DISC1: variants seen among roughly 807,000 people sequenced by gnomAD.
DISC1 encodes the protein DISC1 scaffold protein.
DISC1 carries 57 observed loss-of-function variants against 84.5 expected under a neutral mutation model. The ratio of observed to expected loss-of-function variants is 0.67; its 90% CI spans 0.55 to 0.84. The LOEUF is 0.84. DISC1 is among the 40% of genes least tolerant of loss of function. The probability of loss-of-function intolerance (pLI) is 0.00; values close to 1 mark genes in which losing one functional copy is unlikely to be tolerated. For synonymous variants in DISC1, 411 were observed against 415.2 expected (o/e 0.99, Z 0.12); for missense variants, 1,000 against 1,057.8 (o/e 0.95, Z 0.76).
At position 231,691,822 on chromosome 1, in the gene DISC1, T is replaced by C. The variant is rs199600610; in HGVS notation, c.68-2004T>C. On this transcript the variant is annotated intron_variant, in intron 1 of 12. Transcript: ENST00000439617. ...CCTCTCTCTGCCCCCTCCTAACGCC[T>C]GGCCACCCTGTTCCGACTGCTGCCC... is the stretch of plus-strand genomic sequence containing the variant. Among the ~76,000 whole-genome samples the C allele has an allele frequency of 3.5e-4, 54 of 152,334 alleles. 1 individual carries two copies. In the East Asian group the frequency reaches 9.8e-3, roughly 28 times the overall value.
intron 9 of DISC1, among the ~76,000 whole-genome samples, chr1:231,873,413 A>G (rs1237485834): frequency 6.6e-6 from 1 of 152,210 alleles, no homozygotes; most frequent in Non-Finnish European, 1.5e-5. Context: ...GCCCCTTTCT[A>G]TGATGTCCTT....
Position 232,031,827 on chromosome 1 carries a change from C to A in DISC1, c.2426-4865C>A, listed in dbSNP as rs1670082704. ...GGTATAGTCAAGGTTTTCCTCTTTGCTCTTGAAAGACTGTGATCCTCATGG... is the reference window on the plus strand; with the variant it reads ...GGTATAGTCAAGGTTTTCCTCTTTGATCTTGAAAGACTGTGATCCTCATGG... On this transcript the variant is annotated intron_variant, in intron 12 of 12. Coordinates refer to ENST00000439617, the MANE Select transcript of DISC1 (RefSeq NM_018662.3). The surrounding 1 kb of genome is among the most constrained non-coding windows in gnomAD (Gnocchi z 4.6). Among the ~76,000 whole-genome samples, 1 of 152,154 alleles carries A rather than the reference C, an allele frequency of 6.6e-6. No individual in the cohort carries two copies. Among genetic ancestry groups the A allele is most frequent in the Admixed American group, 6.5e-5 (1 of 15,278 alleles).
intron 8 of DISC1, among the ~76,000 whole-genome samples, chr1:231,805,713 A>C (rs947022190): frequency 6.6e-6 from 1 of 152,068 alleles, no homozygotes; most frequent in Non-Finnish European, 1.5e-5. Context: ...CTATGATCCA[A>C]TCACCTTCCA....
intron 6 of DISC1, among the ~76,000 whole-genome samples, chr1:231,788,169 G>A (rs1279511129): frequency 6.6e-6 from 1 of 152,074 alleles, no homozygotes; most frequent in Non-Finnish European, 1.5e-5. Flanking sequence ...GCCTGTAATT[G>A]AGCTACTTGG....
intron 6 of DISC1, among the ~76,000 whole-genome samples, chr1:231,790,520 CTTTTCTTTTTT>C (rs1232703789): frequency 6.6e-6 from 1 of 151,520 alleles, no homozygotes; most frequent in Non-Finnish European, 1.5e-5. Flanking sequence ...CTTTTCTTTT[CTTTTCTTTTTT>C]TTTTCAAGAT....
At chr1:231,628,744 AT>A (rs1444638137) in intron 1 of DISC1, among the ~76,000 whole-genome samples, 10 of 151,726 alleles carry the variant, frequency 6.6e-5, no homozygotes, top group Admixed American at 2.6e-4. Context: ...AATTTAGGTA[AT>A]TTTTTTTTCT....
intron 8 of DISC1, among the ~76,000 whole-genome samples, chr1:231,806,458 G>A (rs2079721314): frequency 6.6e-6 from 1 of 152,178 alleles, no homozygotes; most frequent in African/African-American, 2.4e-5. Context: ...TGGGAGACCT[G>A]CTGGCTTCTC....
intron 9 of DISC1, among the ~76,000 whole-genome samples, chr1:231,928,848 T>G (rs1053684851): frequency 2.0e-5 from 3 of 152,234 alleles, no homozygotes; most frequent in Admixed American, 6.5e-5. Context: ...TTGTTCAGTT[T>G]CCATGTAGTT....
At chr1:231,889,628 C>T (rs1020713528) in intron 9 of DISC1, among the ~76,000 whole-genome samples, 4 of 152,114 alleles carry the variant, frequency 2.6e-5, no homozygotes, top group African/African-American at 9.7e-5. Flanking sequence ...GGTGAAGGGG[C>T]CTGGCTGCAC....
chr1:231,753,523 C>T (rs969401803), intron 4 of DISC1, among the ~76,000 whole-genome samples: 5 of 152,212 alleles, frequency 3.3e-5, no homozygotes, highest in Admixed American at 6.5e-5. Context: ...GAAACCATTC[C>T]GTCCTCCTCG....
intron 1 of DISC1, among the ~76,000 whole-genome samples, chr1:231,627,136 C>T (rs2058322499): frequency 1.3e-5 from 2 of 152,188 alleles, no homozygotes; most frequent in South Asian, 4.1e-4. Context: ...GCACCAGCGC[C>T]GAGCCGGGCC....
At chr1:231,971,571 T>C (rs1454469493) in intron 10 of DISC1, among the ~76,000 whole-genome samples, 1 of 152,232 alleles carries the variant, frequency 6.6e-6, no homozygotes, top group African/African-American at 2.4e-5. Flanking sequence ...CCAGCCACCC[T>C]GAGTCATACA....
At chr1:231,772,275 T>A (rs148813550) in intron 6 of DISC1, among the ~76,000 whole-genome samples, 424 of 152,266 alleles carry the variant, frequency 2.8e-3, no homozygotes, top group African/African-American at 9.7e-3. Flanking sequence ...CTTCAAGAGC[T>A]CATACTCTCA....
intron 9 of DISC1, among the ~76,000 whole-genome samples, chr1:231,864,934 A>G (rs1008025889): frequency 6.6e-6 from 1 of 152,236 alleles, no homozygotes; most frequent in Non-Finnish European, 1.5e-5. Context: ...TCTTAGTACA[A>G]TTAAATCTCC....
chr1:231,662,996 A>G (rs1263219094), intron 1 of DISC1, among the ~76,000 whole-genome samples: 1 of 152,206 alleles, frequency 6.6e-6, no homozygotes, highest in East Asian at 1.9e-4. Context: ...AAAACAAAAC[A>G]AAAGAAACAA....
In DISC1 at chr1:232,036,744, C is replaced by G; in HGVS notation, c.2478C>G (p.Ile826Met). The G allele has an allele frequency of 6.2e-7, 1 of 1,608,182 alleles. No individual in the cohort carries two copies. Among genetic ancestry groups the G allele is most frequent in the Non-Finnish European group, 8.5e-7 (1 of 1,175,900 alleles). Residue 826 changes from isoleucine to methionine, a missense_variant, in exon 13 of 13, where the codon ATC becomes ATG. By Grantham distance (10) the Ile-to-Met change is conservative (BLOSUM62 1). Around this residue, in one of 3 missense-constraint regions of DISC1, gnomAD observed 397 missense variants for 377.5 expected, o/e 1.05. Transcript: ENST00000439617. ...TGAAGGAAACTCTGCAGGCCATGAT[C>G]CTGCAGCTCCAGCCAGCAAAGGAGG... ...QMVKETLQAM[I>M]LQLQPAKEAG... is the part of the protein sequence containing the mutation.
chr1:231,956,821 C>T (rs1408716141), intron 9 of DISC1, among the ~76,000 whole-genome samples: 1 of 152,162 alleles, frequency 6.6e-6, no homozygotes, highest in African/African-American at 2.4e-5. Context: ...TGGATGTATT[C>T]TAAGACCATC....
Position 231,702,069 on chromosome 1 carries a change from A to T in DISC1, c.1117+45A>T, listed in dbSNP as rs376717795. On this transcript the variant is annotated intron_variant, in intron 3 of 12. Transcript: ENST00000439617. ...TTGATTGTTTTGTCATCATGTCCCAATTTTCTTTCCATCTTTACTCATATC... is the reference window on the plus strand; with the variant it reads ...TTGATTGTTTTGTCATCATGTCCCATTTTTCTTTCCATCTTTACTCATATC... 3.8e-5 allele frequency: 60 copies of T among 1,585,324 alleles called. No homozygotes were observed. In the African/African-American group the frequency reaches 7.4e-4, roughly 20 times the overall value.
At chr1:231,857,304 C>G (rs1018310376) in intron 9 of DISC1, among the ~76,000 whole-genome samples, 4 of 152,244 alleles carry the variant, frequency 2.6e-5, no homozygotes, top group Non-Finnish European at 5.9e-5. Context: ...ACTACTCTTA[C>G]TTTTTCACAC....
Sources: gnomAD v4.1 joint callset for allele counts (sites outside exome capture counted in the v4.1 genomes callset) on GRCh38, gnomAD v4.1.1 for gene constraint, gnomAD v4.1.1 regional missense constraint, Gnocchi (gnomAD v3.1) non-coding constraint, MANE v1.5 for transcripts, NCBI Gene and HGNC (gene_info 2026-07-23, HGNC 2026-07-21) for gene names.